ASCC3: variants seen among roughly 807,000 people sequenced by gnomAD.
ASCC3 encodes ASC-1 complex subunit P200.
Under a neutral mutation model 256.3 loss-of-function variants are expected in ASCC3, and 158 were observed. The ratio of observed to expected loss-of-function variants is 0.62; its 90% CI spans 0.54 to 0.70. The LOEUF is 0.70. Among genes scored for constraint, ASCC3 ranks in the 30% least tolerant of loss-of-function variants. The pLI is 0.00. For synonymous variants in ASCC3, 948 were observed against 883.4 expected (o/e 1.07, Z -1.30); for missense variants, 2,259 against 2,626.0 (o/e 0.86, Z 3.05).
intron 25 of ASCC3, among the ~76,000 whole-genome samples, chr6:100,635,316 T>A (rs747965462): frequency 1.1e-4 from 17 of 152,170 alleles, no homozygotes; most frequent in Non-Finnish European, 2.2e-4. Context: ...AGGGACATTA[T>A]GTTAAGTGAA....
At chr6:100,623,468 A>G (rs944631144) in intron 30 of ASCC3, among the ~76,000 whole-genome samples, 4 of 152,186 alleles carry the variant, frequency 2.6e-5, no homozygotes, top group African/African-American at 9.6e-5. Context: ...ATACAGTACT[A>G]TCTAACAGTC....
At chr6:100,700,600 C>T (rs1458982210) in intron 13 of ASCC3, among the ~76,000 whole-genome samples, 1 of 152,206 alleles carries the variant, frequency 6.6e-6, no homozygotes, top group Admixed American at 6.5e-5. Context: ...CTGTACCCTG[C>T]AAAGCCACAG....
intron 25 of ASCC3, among the ~76,000 whole-genome samples, chr6:100,631,944 A>G (rs1361285186): frequency 1.3e-5 from 2 of 151,914 alleles, no homozygotes; most frequent in Non-Finnish European, 2.9e-5. Flanking sequence ...AAACACTACA[A>G]AAGGATGCTA....
At chr6:100,809,907 G>C (rs1014512016) in intron 4 of ASCC3, among the ~76,000 whole-genome samples, 8 of 152,036 alleles carry the variant, frequency 5.3e-5, no homozygotes, top group African/African-American at 1.9e-4. Flanking sequence ...TAGTTAATAA[G>C]AATAGTATCC....
At chr6:100,833,924 A>G in intron 4 of ASCC3, among the ~76,000 whole-genome samples, 1 of 152,106 alleles carries the variant, frequency 6.6e-6, no homozygotes, top group South Asian at 2.1e-4. Context: ...CTAAAAATAC[A>G]AAAATTAGCC....
At chr6:100,838,236 A>C (rs2114477972) in intron 4 of ASCC3, among the ~76,000 whole-genome samples, 1 of 152,212 alleles carries the variant, frequency 6.6e-6, no homozygotes, top group Non-Finnish European at 1.5e-5. Context: ...TAAAATATGC[A>C]TATTGAAAAC....
chr6:100,589,659 G>A lies in ASCC3; in HGVS notation c.5525C>T (p.Thr1842Ile), dbSNP rs772272454. ...ACTTAGAATTGAAAGCAGTTCTTCA[G>A]TACTGCATTCAGGCTTCAAGCGGTC... ...FKDRLKPECS[T>I]EELLSILSDA... is the part of the protein sequence containing the mutation. The change falls in exon 36 of 42, where the codon ACT (threonine) becomes ATT (isoleucine). Residue 1842 changes from threonine to isoleucine, a missense_variant. Coordinates refer to ENST00000369162, the MANE Select transcript of ASCC3 (RefSeq NM_006828.4). 1 of 1,613,622 alleles carries A rather than the reference G, an allele frequency of 6.2e-7. No individual in the cohort carries two copies. The highest frequency in any genetic ancestry group is 8.5e-7 in the Non-Finnish European group (1 of 1,179,776).
chr6:100,590,035 G>A lies in ASCC3; in HGVS notation c.5328C>T (p.Ser1776=), dbSNP rs767477732. 4 of 1,613,254 alleles carry A rather than the reference G, an allele frequency of 2.5e-6. No individual in the cohort carries two copies. The highest frequency in any genetic ancestry group is 3.4e-6 in the Non-Finnish European group (4 of 1,179,436). Residue 1776 remains serine (S), a synonymous_variant, in exon 35 of 42, where the codon AGC becomes AGT. Transcript: ENST00000369162. ...ACAGAAACTTGTTCACAGAATCATGGCTCACATCACCCAAATTGTAATAGC... is the reference window on the plus strand; with the variant it reads ...ACAGAAACTTGTTCACAGAATCATGACTCACATCACCCAAATTGTAATAGC... ...NPSYYNLGDV[S]HDSVNKFLSH... is the part of the protein sequence containing the mutation.
In ASCC3 at chr6:100,518,000, T is replaced by G; in HGVS notation, c.5918A>C (p.His1973Pro). 6.2e-7 allele frequency: 1 copy of G among 1,613,158 alleles called. No individual in the cohort carries two copies. Among genetic ancestry groups the G allele is most frequent in the Non-Finnish European group, 8.5e-7 (1 of 1,179,420 alleles). Residue 1973 changes from histidine (H) to proline (P), a missense_variant, in exon 38 of 42, where the codon CAC (histidine) becomes CCC (proline). This residue lies in a region of ASCC3 where 1,839 missense variants were observed against 2,206.7 expected (regional missense o/e 0.83). Coordinates refer to ENST00000369162, the MANE Select transcript of ASCC3 (RefSeq NM_006828.4). ...AAAGTAAAACAATTACTTGAAAAGG[T>G]GAAGATGATGGTTTTCTATGTTTGG... Reference protein sequence around the residue: ...TLPNIENHHLHLFKKWKPIMK... With the variant: ...TLPNIENHHLPLFKKWKPIMK...
At chr6:100,709,460 C>T (rs1021426273) in intron 13 of ASCC3, among the ~76,000 whole-genome samples, 1 of 152,084 alleles carries the variant, frequency 6.6e-6, no homozygotes, top group African/African-American at 2.4e-5. Context: ...TCTTAACTAG[C>T]TCTGTGACCT....
At chr6:100,658,008 A>T (rs904131079) in intron 16 of ASCC3, among the ~76,000 whole-genome samples, 1 of 151,548 alleles carries the variant, frequency 6.6e-6, no homozygotes, top group Non-Finnish European at 1.5e-5. Context: ...ATCATATAGT[A>T]AGTCAGTAAC....
intron 8 of ASCC3, among the ~76,000 whole-genome samples, chr6:100,793,299 G>T (rs948911712): frequency 6.6e-6 from 1 of 151,942 alleles, no homozygotes; most frequent in Non-Finnish European, 1.5e-5. Context: ...AGTTAAAGAA[G>T]CATCCAGAAA....
At chr6:100,581,929 T>C (rs1465672859) in intron 36 of ASCC3, among the ~76,000 whole-genome samples, 1 of 151,996 alleles carries the variant, frequency 6.6e-6, no homozygotes, top group Non-Finnish European at 1.5e-5. Flanking sequence ...CTCTGTTCTG[T>C]TCCATTGATC....
chr6:100,595,407 TA>T (rs1384878859), intron 34 of ASCC3, among the ~76,000 whole-genome samples: 1 of 152,146 alleles, frequency 6.6e-6, no homozygotes, highest in African/African-American at 2.4e-5. Flanking sequence ...AAGAGTCAAT[TA>T]AAAAAGAAGG....
intron 36 of ASCC3, among the ~76,000 whole-genome samples, chr6:100,548,051 A>G (rs1000806161): frequency 2.0e-4 from 30 of 152,016 alleles, no homozygotes; most frequent in Admixed American, 1.2e-3. Flanking sequence ...AAAAAAAAAA[A>G]ACAGGAATAC....
In ASCC3 at chr6:100,540,204, C is replaced by T. The variant is rs1385200926; in HGVS notation, c.5734G>A (p.Asp1912Asn). 1 of 1,613,928 alleles carries T rather than the reference C, an allele frequency of 6.2e-7. No individual in the cohort carries two copies. Among genetic ancestry groups the T allele is most frequent in the East Asian group, 2.2e-5 (1 of 44,876 alleles). The change falls in exon 37 of 42, where the codon GAT becomes AAT. Residue 1912 changes from aspartate (D) to asparagine (N), a missense_variant. Asp to Asn is a conservative substitution (Grantham distance 23). Coordinates refer to ENST00000369162, the MANE Select transcript of ASCC3 (RefSeq NM_006828.4). ...GCTTGGTCCAAGACTGTTTTGGTAT[C>T]AGTGTCATAATCTGGGCAGGGTAGC... ...AMLPCPDYDT[D>N]TKTVLDQALR...
chr6:100,781,044 C>T (rs1342814658), intron 8 of ASCC3, among the ~76,000 whole-genome samples: 1 of 152,174 alleles, frequency 6.6e-6, no homozygotes, highest in Non-Finnish European at 1.5e-5. Context: ...CTTCATCTCT[C>T]TAATTCCTAG....
intron 8 of ASCC3, among the ~76,000 whole-genome samples, chr6:100,775,954 T>C (rs1486281589): frequency 6.6e-6 from 1 of 152,078 alleles, no homozygotes; most frequent in Non-Finnish European, 1.5e-5. Flanking sequence ...AGATTTCTTA[T>C]ATTTGAATAA....
rs141092210 is a variant in ASCC3 at position 100,814,690 on chromosome 6, A to G, written c.802-8810T>C. On this transcript the variant is annotated intron_variant, in intron 4 of 41. Coordinates refer to ENST00000369162, the MANE Select transcript of ASCC3 (RefSeq NM_006828.4). Reference sequence around the variant, plus strand: ...CTTAGGAAGGTATATGTGTCCAGGAATTTATCCTTTTCTTCTAAATTTTCT... The same window carrying G: ...CTTAGGAAGGTATATGTGTCCAGGAGTTTATCCTTTTCTTCTAAATTTTCT... Among the ~76,000 whole-genome samples, 14 of 152,208 alleles carry G rather than the reference A, an allele frequency of 9.2e-5. 1 individual carries two copies. The highest frequency in any genetic ancestry group is 3.4e-4 in the African/African-American group (14 of 41,542).
Sources: allele counts gnomAD v4.1 joint callset (sites outside exome capture counted in the v4.1 genomes callset), GRCh38; gene constraint gnomAD v4.1.1; regional missense constraint gnomAD v4.1.1; transcripts MANE v1.5; gene names NCBI Gene and HGNC (gene_info 2026-07-23, HGNC 2026-07-21).